The following BTG1 variants were observed in gnomAD, a reference collection of about 807,000 sequenced individuals.
The protein encoded by BTG1 is BTG anti-proliferation factor 1, also known as protein BTG1.
A neutral mutation model predicts 15.2 loss-of-function variants in BTG1; 2 were observed. The observed-to-expected ratio is 0.13, with a 90% confidence interval of 0.05 to 0.41. The LOEUF (loss-of-function observed/expected upper bound fraction) is 0.41, where lower values mean the gene tolerates loss of function less well. BTG1 is among the 10% of genes least tolerant of loss of function. BTG1 has a pLI of 0.99. For missense variants in BTG1, 149 were observed against 215.0 expected (o/e 0.69, Z 1.92); for synonymous variants, 109 against 82.4 (o/e 1.32, Z -1.75).
chr12:92,142,863 G>C lies in BTG1; in HGVS notation c.*1217C>G, dbSNP rs1217493797. The C allele has an allele frequency of 4.3e-6, 1 of 232,902 alleles. No individual in the cohort carries two copies. The highest frequency in any genetic ancestry group is 8.5e-6 in the Non-Finnish European group (1 of 117,970). 14.4% of individuals were successfully genotyped at this position (232,902 alleles called of 1,614,324 possible). A position where few individuals can be genotyped will look rare whatever the true frequency, so the allele number is the denominator to read the frequency against. On this transcript the variant is annotated 3_prime_UTR_variant, in exon 2 of 2. Coordinates refer to ENST00000256015, the MANE Select transcript of BTG1 (RefSeq NM_001731.3). ...TAATCCTTTGAGTATCACATTTTTG[G>C]TAGATGCTACCGTGGTCTCTTATCC...
chr12:92,141,416 A>ATT lies in BTG1; in HGVS notation c.*2663_*2664insAA, dbSNP rs1331795251. 1.7e-5 allele frequency: 4 copies of ATT among 232,006 alleles called. No individual in the cohort carries two copies. Among genetic ancestry groups the ATT allele is most frequent in the African/African-American group, 6.6e-5 (3 of 45,282 alleles). 14.4% of individuals were successfully genotyped at this position (232,006 alleles called of 1,614,324 possible). A position where few individuals can be genotyped will look rare whatever the true frequency, so the allele number is the denominator to read the frequency against. On this transcript the variant is annotated 3_prime_UTR_variant, in exon 2 of 2. Transcript: ENST00000256015. ...ACTTGAAGCCTTGTTTCAACATTAC[A>ATT]GAGGGAGGCACTACTTAAATTTGGA...
In BTG1 at chr12:92,145,344, G is replaced by A. The variant is rs750620406; in HGVS notation, c.148+44C>T. 8.7e-6 allele frequency: 13 copies of A among 1,494,664 alleles called. No individual in the cohort carries two copies. The South Asian group carries it at 1.7e-4, about 19-fold the overall frequency. 92.6% of individuals were successfully genotyped at this position (1,494,664 alleles called of 1,614,324 possible). The stretch of plus-strand genomic sequence containing the variant: ...GCCCCGACGGCCGGACTCTGACCCA[G>A]GGATGTGGGGCCCGCGTCCCTCCGA... On this transcript the variant is annotated intron_variant, in intron 1 of 1. Coordinates refer to ENST00000256015, the MANE Select transcript of BTG1 (RefSeq NM_001731.3).
At position 92,142,592 on chromosome 12, in the gene BTG1, A is replaced by T. The variant is rs1266861936; in HGVS notation, c.*1488T>A. The T allele has an allele frequency of 8.6e-6, 2 of 232,846 alleles. No individual in the cohort carries two copies. Among genetic ancestry groups the T allele is most frequent in the African/African-American group, 4.4e-5 (2 of 45,352 alleles). 14.4% of individuals were successfully genotyped at this position (232,846 alleles called of 1,614,324 possible). On this transcript the variant is annotated 3_prime_UTR_variant, in exon 2 of 2. Coordinates refer to ENST00000256015, the MANE Select transcript of BTG1 (RefSeq NM_001731.3). ...CAGCATTTCAACTTTTGAGAATAAAAGTTCATAAACATACCTTTTGTTGAA... is the reference window on the plus strand; with the variant it reads ...CAGCATTTCAACTTTTGAGAATAAATGTTCATAAACATACCTTTTGTTGAA...
intron 1 of BTG1, among the ~76,000 whole-genome samples, chr12:92,144,813 G>A (rs893833162): frequency 2.6e-5 from 4 of 152,274 alleles, no homozygotes; most frequent in East Asian, 1.9e-4. Context: ...TTGGAGATGA[G>A]AAGCGCCACC....
At chr12:92,144,793 G>A (rs1870475795) in intron 1 of BTG1, among the ~76,000 whole-genome samples, 1 of 152,222 alleles carries the variant, frequency 6.6e-6, no homozygotes, top group Non-Finnish European at 1.5e-5. Context: ...ACACAATGGA[G>A]TTGATGGCTT....
chr12:92,144,673 G>A (rs1870468552), intron 1 of BTG1, among the ~76,000 whole-genome samples: 1 of 152,186 alleles, frequency 6.6e-6, no homozygotes. Flanking sequence ...GAACCAACCG[G>A]TTGAGCCGCC....
rs2136950034 is a variant in BTG1, at chr12:92,145,500, T to A, written c.36A>T (p.Ile12=). The A allele has an allele frequency of 6.3e-7, 1 of 1,580,336 alleles. No individual in the cohort carries two copies. Among genetic ancestry groups the A allele is most frequent in the South Asian group, 1.1e-5 (1 of 87,970 alleles). Residue 12 remains isoleucine, a synonymous_variant, in exon 1 of 2, where the codon ATA becomes ATT. Transcript: ENST00000256015. ...AGGACACGGCGGCGGCGATCTCGCC[T>A]ATCATGGTGGCGGCCCGGGTGTAGA... ...HPFYTRAATM[I]GEIAAAVSFI... is the part of the protein sequence containing the mutation.
chr12:92,144,067 C>T lies in BTG1; in HGVS notation c.*13G>A, dbSNP rs1870427685. The T allele has an allele frequency of 1.2e-6, 2 of 1,609,536 alleles. No homozygotes were observed. The highest frequency in any genetic ancestry group is 1.3e-5 in the African/African-American group (1 of 74,738). On this transcript the variant is annotated 3_prime_UTR_variant, in exon 2 of 2. Coordinates refer to ENST00000256015, the MANE Select transcript of BTG1 (RefSeq NM_001731.3). ...ATCCATCATCATCAGATGATCCATC[C>T]ACAGACTATATCTTAACCTGATACA...
Position 92,143,659 on chromosome 12 carries a change from T to C in BTG1, c.*421A>G, listed in dbSNP as rs528492186. 1 of 257,372 alleles carries C rather than the reference T, an allele frequency of 3.9e-6. No homozygotes were observed. Among genetic ancestry groups the C allele is most frequent in the Non-Finnish European group, 7.5e-6 (1 of 133,818 alleles). 15.9% of individuals were successfully genotyped at this position (257,372 alleles called of 1,614,324 possible). A position where few individuals can be genotyped will look rare whatever the true frequency, so the allele number is the denominator to read the frequency against. On this transcript the variant is annotated 3_prime_UTR_variant, in exon 2 of 2. Coordinates refer to ENST00000256015, the MANE Select transcript of BTG1 (RefSeq NM_001731.3). ...CTACCATGTTTAAAACGTTTAACTTTCCTATTAAAAGCTGCCGAAAAGGTT... is the reference window on the plus strand; with the variant it reads ...CTACCATGTTTAAAACGTTTAACTTCCCTATTAAAAGCTGCCGAAAAGGTT...
At position 92,140,962 on chromosome 12, in the gene BTG1, C is replaced by T. The variant is rs952437035; in HGVS notation, c.*3118G>A. On this transcript the variant is annotated 3_prime_UTR_variant, in exon 2 of 2. Transcript: ENST00000256015. Reference sequence around the variant, plus strand: ...TCTTTAAACTTCAATATGCAAAGTACAACTTCAGTTATCATACCTCTCTTC... The same window carrying T: ...TCTTTAAACTTCAATATGCAAAGTATAACTTCAGTTATCATACCTCTCTTC... 7.7e-5 allele frequency: 18 copies of T among 232,592 alleles called. No individual in the cohort carries two copies. The Admixed American group carries it at 7.9e-4, about 10-fold the overall frequency. 14.4% of individuals were successfully genotyped at this position (232,592 alleles called of 1,614,324 possible).
chr12:92,144,429 C>A lies in BTG1; in HGVS notation c.167G>T (p.Trp56Leu). The A allele has an allele frequency of 6.2e-7, 1 of 1,614,162 alleles. No homozygotes were observed. Residue 56 changes from tryptophan to leucine, a missense_variant, in exon 2 of 2, where the codon TGG (tryptophan) becomes TTG (leucine). By Grantham distance (61) the Trp-to-Leu change is moderately conservative. Transcript: ENST00000256015. ...ELLAEHYKHHWFPEKPCKGSG... is the reference protein window; with the variant it reads ...ELLAEHYKHHLFPEKPCKGSG... Reference sequence around the variant, plus strand: ...TCCCTTGCATGGCTTTTCTGGGAACCAGTGATGTTTATAATGTTCTATAGA... The same window carrying A: ...TCCCTTGCATGGCTTTTCTGGGAACAAGTGATGTTTATAATGTTCTATAGA...
chr12:92,140,966 T>G lies in BTG1; in HGVS notation c.*3114A>C, dbSNP rs1015195617. On this transcript the variant is annotated 3_prime_UTR_variant, in exon 2 of 2. Transcript: ENST00000256015. ...TAAACTTCAATATGCAAAGTACAAC[T>G]TCAGTTATCATACCTCTCTTCTGTA... The G allele has an allele frequency of 4.3e-5, 10 of 232,640 alleles. No individual in the cohort carries two copies. The highest frequency in any genetic ancestry group is 7.6e-5 in the Non-Finnish European group (9 of 117,768). The allele number at this position is 232,640 out of a possible 1,614,324, so 14.4% of individuals were successfully genotyped here.
rs761319643 is a variant in BTG1, at chr12:92,143,171, T to C, written c.*909A>G. 2 of 232,740 alleles carry C rather than the reference T, an allele frequency of 8.6e-6. No individual in the cohort carries two copies. The highest frequency in any genetic ancestry group is 1.7e-5 in the Non-Finnish European group (2 of 117,676). 14.4% of individuals were successfully genotyped at this position (232,740 alleles called of 1,614,324 possible). ...CGATTTATTATAGAGAGAAGAAAAA[T>C]TTCTCATCCAAAATATAGAAATCTG... On this transcript the variant is annotated 3_prime_UTR_variant, in exon 2 of 2. Transcript: ENST00000256015.
chr12:92,141,179 A>C lies in BTG1; in HGVS notation c.*2901T>G, dbSNP rs1870195881. The C allele has an allele frequency of 4.3e-6, 1 of 232,604 alleles. No individual in the cohort carries two copies. The highest frequency in any genetic ancestry group is 5.6e-5 in the Admixed American group (1 of 17,776). The allele number at this position is 232,604 out of a possible 1,614,324, so 14.4% of individuals were successfully genotyped here. ...TTCATAAACTGCAACACCTATACAAAACAAAATTAATTACTTGCAATGTGT... is the reference window on the plus strand; with the variant it reads ...TTCATAAACTGCAACACCTATACAACACAAAATTAATTACTTGCAATGTGT... On this transcript the variant is annotated 3_prime_UTR_variant, in exon 2 of 2. Transcript: ENST00000256015.
chr12:92,144,479 G>T (rs1166915060), intron 1 of BTG1, 32 bp from the exon 2 acceptor site: 8 of 1,603,362 alleles, frequency 5.0e-6, no homozygotes, highest in East Asian at 4.5e-5. Context: ...GAGAAACAAC[G>T]CTTAGGATCG....
rs571617948 is a variant in BTG1 at position 92,145,415 on chromosome 12, T to C, written c.121A>G (p.Ser41Gly). The C allele has an allele frequency of 6.3e-7, 1 of 1,589,488 alleles. No homozygotes were observed. The change falls in exon 1 of 2, where the codon AGC becomes GGC. Residue 41 changes from serine to glycine, a missense_variant. By Grantham distance (56) the Ser-to-Gly change is moderately conservative. This residue lies in a region of BTG1 where 63 missense variants were observed against 60.8 expected (regional missense o/e 1.04). Coordinates refer to ENST00000256015, the MANE Select transcript of BTG1 (RefSeq NM_001731.3). ...LTSERQLQTF[S>G]QSLQELLAEH... ...GCCAGCAGCTCCTGCAGGCTCTGGC[T>C]GAAGGTCTGCAGCTGTCGCTCGCTC...
chr12:92,144,362 A>T lies in BTG1; in HGVS notation c.234T>A (p.Pro78=). The T allele has an allele frequency of 6.2e-7, 1 of 1,614,226 alleles. No individual in the cohort carries two copies. Among genetic ancestry groups the T allele is most frequent in the South Asian group, 1.1e-5 (1 of 91,088 alleles). Residue 78 remains proline (P), a synonymous_variant, in exon 2 of 2, where the codon CCT becomes CCA. Coordinates refer to ENST00000256015, the MANE Select transcript of BTG1 (RefSeq NM_001731.3). ...RCIRINHKMD[P]LIGQAAQRIG... is the part of the protein sequence containing the mutation. ...TCCGCTGTGCTGCCTGTCCAATCAG[A>T]GGATCCATTTTATGGTTGATGCGAA...
chr12:92,144,985 G>T (rs1870489778), intron 1 of BTG1: 1 of 185,570 alleles, frequency 5.4e-6, no homozygotes, highest in Admixed American at 6.3e-5. Context: ...CAGCGGCGCA[G>T]CTTCCCACCC....
At chr12:92,145,070 C>T in intron 1 of BTG1, 1 of 216,602 alleles carries the variant, frequency 4.6e-6, no homozygotes, top group Non-Finnish European at 9.1e-6. Context: ...CCCAGCCCCA[C>T]GGCTCCTTTG....
Sources: allele counts gnomAD v4.1 joint callset (sites outside exome capture counted in the v4.1 genomes callset), GRCh38; gene constraint gnomAD v4.1.1; regional missense constraint gnomAD v4.1.1; transcripts MANE v1.5; gene names NCBI Gene and HGNC (gene_info 2026-07-23, HGNC 2026-07-21).